Variants in CHD4 observed in about 807,000 individuals in gnomAD.
CHD4 encodes ATP-dependent chromatin remodeler CHD4.
CHD4 carries 35 observed loss-of-function variants against 235.5 expected under a neutral mutation model. That is an observed-to-expected ratio of 0.15 (90% CI 0.11 to 0.20). CHD4 has a LOEUF of 0.20. Ranked by LOEUF, CHD4 falls within the 10% of genes least tolerant of loss-of-function variation. CHD4 has a pLI of 1.00. For missense variants in CHD4, 1,329 were observed against 2,432.3 expected, an observed-to-expected ratio of 0.55 and a Z score of 9.54; for synonymous variants, 900 against 850.2, an observed-to-expected ratio of 1.06 and a Z score of -1.02.
intron 38 of CHD4, chr12:6,571,934 C>G (rs567253385): frequency 6.6e-6 from 1 of 152,338 alleles, no homozygotes; most frequent in Non-Finnish European, 1.5e-5. Context: ...GCTCTCCAGC[C>G]TGGGCAACAA....
chr12:6,581,148 G>A lies in CHD4; in HGVS notation c.4805C>T (p.Ser1602Leu), dbSNP rs771561972. 1.2e-6 allele frequency: 2 copies of A among 1,613,948 alleles called. No homozygotes were observed. The highest frequency in any genetic ancestry group is 1.3e-5 in the African/African-American group (1 of 74,938). Residue 1602 changes from serine (S) to leucine (L), a missense_variant, in exon 33 of 40, where the codon TCA (serine) becomes TTA (leucine). By Grantham distance (145) the Ser-to-Leu change is moderately radical. Coordinates refer to ENST00000544040, the MANE Select transcript of CHD4 (RefSeq NM_001273.5). ...IECTQAPAPA[S>L]EDEKVVVEPP... The stretch of plus-strand genomic sequence containing the variant: ...TTCAACAACGACCTTTTCATCCTCT[G>A]AGGCAGGGGCAGGGGCCTGTGTACA...
intron 37 of CHD4, among the ~76,000 whole-genome samples, chr12:6,575,775 T>C (rs1948060527): frequency 6.6e-6 from 1 of 152,192 alleles, no homozygotes; most frequent in African/African-American, 2.4e-5. Flanking sequence ...ACCCACCTAC[T>C]GACCTCTAGC....
chr12:6,592,988 A>C, intron 17 of CHD4, 103 bp downstream of exon 17: 1 of 1,544,740 alleles, frequency 6.5e-7, no homozygotes, highest in East Asian at 2.3e-5. Flanking sequence ...GGCAGAGACA[A>C]TTTTCCCCTC....
chr12:6,582,394 T>TGGAGCC, intron 29 of CHD4, 113 bp from the exon 30 acceptor site: 1 of 1,367,530 alleles, frequency 7.3e-7, no homozygotes, highest in Non-Finnish European at 9.9e-7. Context: ...CACCTTGAGG[T>TGGAGCC]AAAGCCCACC....
intron 25 of CHD4, chr12:6,584,196 A>T (rs1026661154): frequency 2.6e-5 from 4 of 152,108 alleles, no homozygotes; most frequent in African/African-American, 9.7e-5. Flanking sequence ...CATTGGTATT[A>T]CTTTTATGTT....
At chr12:6,600,065 T>C in intron 9 of CHD4, 53 bp from the exon 10 acceptor site, 2 of 1,592,714 alleles carry the variant, frequency 1.3e-6, no homozygotes, top group African/African-American at 1.3e-5. Context: ...CCCACCGCAG[T>C]CTGAAGCCAG....
chr12:6,589,263 G>A (rs1948351702), intron 22 of CHD4, among the ~76,000 whole-genome samples: 1 of 152,178 alleles, frequency 6.6e-6, no homozygotes, highest in Non-Finnish European at 1.5e-5. Context: ...GTCCACTGAC[G>A]AATACTAATA....
chr12:6,605,387 G>A (rs1470877998), intron 2 of CHD4, among the ~76,000 whole-genome samples: 6 of 152,170 alleles, frequency 3.9e-5, no homozygotes, highest in Non-Finnish European at 7.3e-5. Flanking sequence ...ATCTGCTTAG[G>A]GGCATGACAT....
At chr12:6,596,901 G>C (rs1948508933) in intron 12 of CHD4, among the ~76,000 whole-genome samples, 1 of 151,500 alleles carries the variant, frequency 6.6e-6, no homozygotes, top group Non-Finnish European at 1.5e-5. Flanking sequence ...GGAGGTTGCA[G>C]TGAGCTTAGA....
At chr12:6,580,520 A>T (rs7294416) in intron 33 of CHD4, 23,258 of 153,016 alleles carry the variant, frequency 0.15, 1,900 homozygotes, top group African/African-American at 0.2. Context: ...TGGCCTGACC[A>T]ATATGGAGAA....
intron 37 of CHD4, among the ~76,000 whole-genome samples, chr12:6,576,319 T>C (rs1185980076): frequency 6.6e-6 from 1 of 152,088 alleles, no homozygotes; most frequent in Non-Finnish European, 1.5e-5. Context: ...ATCTTGCCAC[T>C]GCACTCCAGC....
rs1489527390 is a variant in CHD4, at chr12:6,594,471, G to A, written c.2301C>T (p.Ser767=). 3.1e-6 allele frequency: 5 copies of A among 1,607,122 alleles called. No individual in the cohort carries two copies. The highest frequency in any genetic ancestry group is 1.3e-5 in the African/African-American group (1 of 74,546). Residue 767 remains serine, a synonymous_variant, in exon 15 of 40, where the codon TCC becomes TCT. Coordinates refer to ENST00000544040, the MANE Select transcript of CHD4 (RefSeq NM_001273.5). ...CAGATTTCCTTACCTCCTTGTAAAGGGAATACAGGAAGACTGCTGTCTGTA... is the reference window on the plus strand; with the variant it reads ...CAGATTTCCTTACCTCCTTGTAAAGAGAATACAGGAAGACTGCTGTCTGTA... ...KTVQTAVFLY[S]LYKEGHSKGP... is the part of the protein sequence containing the mutation.
At chr12:6,598,467 G>T in intron 10 of CHD4, 42 bp from the exon 11 acceptor site, 2 of 1,464,718 alleles carry the variant, frequency 1.4e-6, no homozygotes, top group Non-Finnish European at 1.9e-6. Flanking sequence ...TCATAACCAT[G>T]GGAGGAGAAG....
intron 37 of CHD4, among the ~76,000 whole-genome samples, chr12:6,574,797 C>T (rs1229439898): frequency 6.6e-6 from 1 of 152,222 alleles, no homozygotes; most frequent in Non-Finnish European, 1.5e-5. Flanking sequence ...GTGACTCAGG[C>T]TCAAAATGTT....
Position 6,591,563 on chromosome 12 carries a change from C to T in CHD4, c.3243G>A (p.Leu1081=). The change falls in exon 22 of 40, where the codon CTG becomes CTA. Residue 1081 remains leucine, a synonymous_variant. Coordinates refer to ENST00000544040, the MANE Select transcript of CHD4 (RefSeq NM_001273.5). ...IFSQMTKMLD[L]LEDFLEHEGY... ...CTTCATGTTCCAAGAAATCCTCTAG[C>T]AGGTCTAGCATCTTGGTCATCTGCA... The T allele has an allele frequency of 6.2e-7, 1 of 1,614,146 alleles. No individual in the cohort carries two copies. The highest frequency in any genetic ancestry group is 1.7e-5 in the Admixed American group (1 of 60,002).
intron 10 of CHD4, 54 bp downstream of exon 10, chr12:6,599,719 A>C: frequency 6.2e-7 from 1 of 1,610,516 alleles, no homozygotes. Context: ...AATAGCCTAC[A>C]TAGAAAAGAC....
Position 6,593,938 on chromosome 12 carries a change from C to T in CHD4, c.2314-322G>A, listed in dbSNP as rs1408568891. ...GCAACCTCCACCTCCCGGGTTCAAG[C>T]GATTCTCCTGCCTCAGCCTCCCAAG... is the stretch of plus-strand genomic sequence containing the variant. On this transcript the variant is annotated intron_variant, in intron 15 of 39. Transcript: ENST00000544040. The surrounding 1 kb of genome is among the most constrained non-coding windows in gnomAD (Gnocchi z 4.9). Among the ~76,000 whole-genome samples, 1 of 152,180 alleles carries T rather than the reference C, an allele frequency of 6.6e-6. No individual in the cohort carries two copies. Among genetic ancestry groups the T allele is most frequent in the Non-Finnish European group, 1.5e-5 (1 of 68,032 alleles).
Position 6,593,148 on chromosome 12 carries a change from A to G in CHD4, c.2595T>C (p.Ile865=). ...ITIDMAILGS[I]DWACLIVDEA... is the part of the protein sequence containing the mutation. The stretch of plus-strand genomic sequence containing the variant: ...CATCCACGATGAGGCAGGCCCAATC[A>G]ATAGAGCCCAAAATAGCCATGTCAA... The change falls in exon 17 of 40, where the codon ATT becomes ATC. Residue 865 remains isoleucine (I), a synonymous_variant. Coordinates refer to ENST00000544040, the MANE Select transcript of CHD4 (RefSeq NM_001273.5). This position sits in a 1 kb window ranked among gnomAD's most constrained non-coding sequence, Gnocchi z 4.9. The G allele has an allele frequency of 6.2e-7, 1 of 1,614,240 alleles. No individual in the cohort carries two copies. Among genetic ancestry groups the G allele is most frequent in the South Asian group, 1.1e-5 (1 of 91,092 alleles).
intron 29 of CHD4, among the ~76,000 whole-genome samples, 158 bp from the exon 30 acceptor site, chr12:6,582,439 G>A (rs1484432361): frequency 2.6e-5 from 4 of 152,072 alleles, no homozygotes; most frequent in Admixed American, 2.0e-4. Context: ...GACCCCACAA[G>A]AAGACCCAGG....
Sources: allele counts gnomAD v4.1 joint callset (sites outside exome capture counted in the v4.1 genomes callset), GRCh38; gene constraint gnomAD v4.1.1; non-coding constraint Gnocchi (gnomAD v3.1); transcripts MANE v1.5; gene names NCBI Gene and HGNC (gene_info 2026-07-23, HGNC 2026-07-21).